SIL1: variants seen among roughly 807,000 people sequenced by gnomAD.
SIL1 encodes nucleotide exchange factor SIL1.
In SIL1, 40 loss-of-function variants were observed where a neutral mutation model predicts 49.1. The ratio of observed to expected loss-of-function variants is 0.81; its 90% CI spans 0.63 to 1.06. The LOEUF is 1.06. Among genes scored for constraint, SIL1 ranks in the 50% least tolerant of loss-of-function variants. SIL1 has a pLI of 0.00. For missense variants in SIL1, 500 were observed against 572.6 expected (o/e 0.87, Z 1.29); for synonymous variants, 253 against 250.8 (o/e 1.01, Z -0.08).
chr5:139,055,036 AAACAAGATACATACAGGT>A (rs1769375394), intron 3 of SIL1, among the ~76,000 whole-genome samples: 1 of 152,186 alleles, frequency 6.6e-6, no homozygotes, highest in Non-Finnish European at 1.5e-5. Context: ...AGCAAAGAGA[AAACAAGATACATACAGGT>A]AACAAGTTAG....
At chr5:139,112,587 A>AGT (rs1284686879) in intron 3 of SIL1, among the ~76,000 whole-genome samples, 1 of 134,532 alleles carries the variant, frequency 7.4e-6, no homozygotes, top group African/African-American at 2.9e-5. Context: ...CCGTCTGGGA[A>AGT]GTGAGGAGTG....
At chr5:139,177,459 C>T (rs1228983442) in intron 1 of SIL1, among the ~76,000 whole-genome samples, 3 of 151,792 alleles carry the variant, frequency 2.0e-5, no homozygotes, top group Non-Finnish European at 4.4e-5. Context: ...AGGCTGGTTT[C>T]GAATTCCTGA....
intron 4 of SIL1, among the ~76,000 whole-genome samples, chr5:139,045,625 T>C (rs902544718): frequency 1.3e-5 from 2 of 152,256 alleles, no homozygotes; most frequent in African/African-American, 4.8e-5. Flanking sequence ...TACAACTACC[T>C]GATAGATCTG....
At chr5:139,056,926 T>G (rs1245173760) in intron 3 of SIL1, among the ~76,000 whole-genome samples, 1 of 151,966 alleles carries the variant, frequency 6.6e-6, no homozygotes, top group Non-Finnish European at 1.5e-5. Context: ...GCCGTGTCTG[T>G]GTAGAAAGAA....
chr5:139,176,100 A>G (rs1001731383), intron 1 of SIL1, among the ~76,000 whole-genome samples: 1 of 152,106 alleles, frequency 6.6e-6, no homozygotes, highest in Non-Finnish European at 1.5e-5. Flanking sequence ...GTCTCAAGCA[A>G]TCCTCCCACA....
At chr5:139,025,606 A>G (rs916462022) in intron 6 of SIL1, among the ~76,000 whole-genome samples, 1 of 152,132 alleles carries the variant, frequency 6.6e-6, no homozygotes, top group African/African-American at 2.4e-5. Flanking sequence ...AGAGCATGAT[A>G]TCTCCAACCT....
intron 5 of SIL1, among the ~76,000 whole-genome samples, chr5:139,041,868 G>A (rs975572929): frequency 2.6e-5 from 4 of 151,402 alleles, no homozygotes; most frequent in African/African-American, 9.7e-5. Context: ...AAGGAGAAGA[G>A]GGAGGGAGAA....
intron 6 of SIL1, among the ~76,000 whole-genome samples, chr5:139,023,630 G>T (rs1768578645): frequency 6.6e-6 from 1 of 152,206 alleles, no homozygotes; most frequent in Non-Finnish European, 1.5e-5. Flanking sequence ...AGGAAGCCTG[G>T]CAGACCTGGT....
intron 7 of SIL1, among the ~76,000 whole-genome samples, chr5:138,958,843 T>C (rs997223546): frequency 6.6e-6 from 1 of 152,248 alleles, no homozygotes; most frequent in Non-Finnish European, 1.5e-5. Flanking sequence ...GTCTTTATTT[T>C]TCTTGTTTCT....
chr5:139,033,673 G>A (rs1004516390), intron 5 of SIL1, among the ~76,000 whole-genome samples: 1 of 151,658 alleles, frequency 6.6e-6, no homozygotes, highest in African/African-American at 2.4e-5. Context: ...CCATTATAAT[G>A]AGAGAACATA....
At chr5:139,169,868 T>TCCACGGTCTCCCTCTGCCTCTTC (rs1751705224) in intron 1 of SIL1, among the ~76,000 whole-genome samples, 1 of 150,682 alleles carries the variant, frequency 6.6e-6, no homozygotes. Context: ...TCTCCCTCTT[T>TCCACGGTCTCCCTCTGCCTCTTC]CCACGGTCTC....
chr5:138,990,793 G>A (rs1465368260), intron 7 of SIL1, among the ~76,000 whole-genome samples: 65 of 152,154 alleles, frequency 4.3e-4, no homozygotes, highest in South Asian at 4.1e-4. Flanking sequence ...TCGGCTCACC[G>A]CAACCTCTAC....
chr5:139,102,885 T>G (rs1478697586), intron 3 of SIL1, among the ~76,000 whole-genome samples: 3 of 151,968 alleles, frequency 2.0e-5, no homozygotes, highest in Non-Finnish European at 4.4e-5. Flanking sequence ...TGGCTAATTT[T>G]GTATTTTTAG....
At position 139,027,479 on chromosome 5, in the gene SIL1, A is replaced by G. The variant is rs140618805; in HGVS notation, c.454-487T>C. 1.4e-3 allele frequency among the ~76,000 whole-genome samples: 211 copies of G among 152,354 alleles called. 6 individuals carry two copies. In the East Asian group the frequency reaches 0.031, roughly 23 times the overall value. ...TAGAAAACTATGGGTAAGAGCTGTC[A>G]CAGCAGGAGCAATTTGCTGATGAAA... On this transcript the variant is annotated intron_variant, in intron 5 of 9. Coordinates refer to ENST00000394817, the MANE Select transcript of SIL1 (RefSeq NM_022464.5).
chr5:139,194,570 C>A (rs538093007), intron 1 of SIL1, among the ~76,000 whole-genome samples: 2 of 152,334 alleles, frequency 1.3e-5, no homozygotes, highest in South Asian at 2.1e-4. Context: ...TTCATCCTTG[C>A]TCAGAAAGAG....
At chr5:139,180,058 TAA>T (rs33982607) in intron 1 of SIL1, among the ~76,000 whole-genome samples, 28 of 122,126 alleles carry the variant, frequency 2.3e-4, no homozygotes, top group African/African-American at 2.8e-4. Flanking sequence ...CCTGTCTCTT[TAA>T]AAAAAAAAAA....
chr5:139,050,613 T>C (rs1411702607), intron 4 of SIL1, among the ~76,000 whole-genome samples: 1 of 152,242 alleles, frequency 6.6e-6, no homozygotes, highest in Admixed American at 6.5e-5. Flanking sequence ...TTTTAATGAA[T>C]AGATGACTCA....
At position 139,077,864 on chromosome 5, in the gene SIL1, C is replaced by T. The variant is rs1769986057; in HGVS notation, c.245-26818G>A. ...CTAGGCCAAATCATATGCTTTAGTGCACCCTAGGAGGAGGAGATTATAGTG... is the reference window on the plus strand; with the variant it reads ...CTAGGCCAAATCATATGCTTTAGTGTACCCTAGGAGGAGGAGATTATAGTG... On this transcript the variant is annotated intron_variant, in intron 3 of 9. Transcript: ENST00000394817. 2.6e-5 allele frequency among the ~76,000 whole-genome samples: 4 copies of T among 152,274 alleles called. No individual in the cohort carries two copies. The South Asian group carries it at 8.3e-4, about 32-fold the overall frequency.
intron 7 of SIL1, among the ~76,000 whole-genome samples, chr5:139,004,674 C>G (rs1768069044): frequency 6.6e-6 from 1 of 152,072 alleles, no homozygotes; most frequent in African/African-American, 2.4e-5. Context: ...AGATTTTCAA[C>G]TTCAAGAAGT....
Sources: gnomAD v4.1 joint callset for allele counts (sites outside exome capture counted in the v4.1 genomes callset) on GRCh38, gnomAD v4.1.1 for gene constraint, MANE v1.5 for transcripts, NCBI Gene and HGNC (gene_info 2026-07-23, HGNC 2026-07-21) for gene names.